ZNF221: variants seen among roughly 807,000 people sequenced by gnomAD.
ZNF221 encodes the protein zinc finger protein 221.
In ZNF221, 10 loss-of-function variants were observed where a neutral mutation model predicts 12.6. That is an observed-to-expected ratio of 0.79 (90% confidence interval 0.49 to 1.34). The LOEUF is 1.34. Ranked by LOEUF, ZNF221 falls within the 40% of genes most tolerant of loss-of-function variation. ZNF221 has a pLI of 0.00. For missense variants in ZNF221, 661 were observed against 721.4 expected, an observed-to-expected ratio of 0.92 and a Z score of 0.96; for synonymous variants, 232 against 244.0, an observed-to-expected ratio of 0.95 and a Z score of 0.46.
At chr19:43,952,331 A>G (rs1974686244) in intron 1 of ZNF221, among the ~76,000 whole-genome samples, 1 of 152,196 alleles carries the variant, frequency 6.6e-6, no homozygotes, top group African/African-American at 2.4e-5. Flanking sequence ...TTGGAGGTAG[A>G]CGGAGTGACT....
chr19:43,973,374 C>A, the ZNF221 span, among the ~76,000 whole-genome samples: 116 of 152,198 alleles, frequency 7.6e-4, no homozygotes, highest in Non-Finnish European at 9.0e-4. Flanking sequence ...TTCCCCACTC[C>A]TGTTCAACAC....
At chr19:43,956,730 C>T (rs1327654075) in intron 1 of ZNF221, among the ~76,000 whole-genome samples, 1 of 152,156 alleles carries the variant, frequency 6.6e-6, no homozygotes, top group Non-Finnish European at 1.5e-5. Flanking sequence ...GGGGGATCAG[C>T]AGAGGATCCA....
At chr19:43,958,989 GTT>G (rs3082682) in intron 1 of ZNF221, among the ~76,000 whole-genome samples, 107,962 of 149,930 alleles carry the variant, frequency 0.72, 39,083 homozygotes, top group African/African-American at 0.79. Context: ...GTTTTTGGTT[GTT>G]TTTTTTTTTT....
chr19:43,962,550 G>A (rs1430669476), intron 1 of ZNF221, among the ~76,000 whole-genome samples, 175 bp from the exon 2 acceptor site: 3 of 152,126 alleles, frequency 2.0e-5, no homozygotes, highest in Admixed American at 2.0e-4. Flanking sequence ...GATATGCCAT[G>A]ATTTGTCTAT....
chr19:43,973,125 T>A, the ZNF221 span, among the ~76,000 whole-genome samples: 2 of 151,910 alleles, frequency 1.3e-5, no homozygotes, highest in Non-Finnish European at 2.9e-5. Context: ...TGTGATCACA[T>A]AATGAGAACC....
chr19:43,979,428 T>C, the ZNF221 span, among the ~76,000 whole-genome samples: 4 of 143,412 alleles, frequency 2.8e-5, no homozygotes, highest in Admixed American at 6.7e-5. Context: ...AATACATATA[T>C]ATATATATAT....
At chr19:43,973,039 A>G in the ZNF221 span, among the ~76,000 whole-genome samples, 1 of 152,184 alleles carries the variant, frequency 6.6e-6, no homozygotes, top group Non-Finnish European at 1.5e-5. Flanking sequence ...CAGCACATCA[A>G]AAAGCTTATC....
the ZNF221 span, among the ~76,000 whole-genome samples, chr19:43,981,414 A>G: frequency 6.6e-6 from 1 of 152,186 alleles, no homozygotes; most frequent in Non-Finnish European, 1.5e-5. Flanking sequence ...TCACTTTTCA[A>G]TCCTGCTTTC....
chr19:43,962,202 C>A (rs1159651464), intron 1 of ZNF221, among the ~76,000 whole-genome samples: 1 of 151,968 alleles, frequency 6.6e-6, no homozygotes, highest in Non-Finnish European at 1.5e-5. Context: ...TAGAATTTAC[C>A]CATTTCAGTC....
In ZNF221 at chr19:43,965,823, G is replaced by A. The variant is rs779067903; in HGVS notation, c.321G>A (p.Glu107=). ...EGNSGGKIQI[E]METVPEAGPH... ...TTTTAGGAGGCAAGATCCAAATTGA[G>A]ATGGAGACTGTTCCAGAAGCAGGAC... Residue 107 remains glutamate (E), a synonymous_variant, in exon 5 of 5, where the codon GAG becomes GAA. Transcript: ENST00000587682. 5.6e-6 allele frequency: 9 copies of A among 1,599,348 alleles called. No individual in the cohort carries two copies. In the East Asian group the frequency reaches 2.0e-4, roughly 36 times the overall value.
chr19:43,975,118 C>T, the ZNF221 span, among the ~76,000 whole-genome samples: 5 of 152,194 alleles, frequency 3.3e-5, no homozygotes, highest in East Asian at 9.6e-4. Context: ...TTAGTTGAAC[C>T]ATTGTGGAAG....
chr19:43,978,311 C>T, the ZNF221 span: 1 of 152,156 alleles, frequency 6.6e-6, no homozygotes, highest in Non-Finnish European at 1.5e-5. Flanking sequence ...GTGTTGCAAA[C>T]AGCTCTTTTT....
chr19:43,972,548 T>A (rs530887759), downstream of ZNF221, among the ~76,000 whole-genome samples: 101 of 151,186 alleles, frequency 6.7e-4, no homozygotes, highest in Non-Finnish European at 1.3e-3. Flanking sequence ...TCCAACACAA[T>A]CAGAAATGAT....
At chr19:43,951,892 G>A (rs1974678120) in intron 1 of ZNF221, among the ~76,000 whole-genome samples, 1 of 74,268 alleles carries the variant, frequency 1.3e-5, no homozygotes, top group African/African-American at 6.7e-5. Context: ...TTTTTTTTTT[G>A]AGACGGAGTC....
chr19:43,956,625 A>T (rs1454230543), intron 1 of ZNF221, among the ~76,000 whole-genome samples: 2 of 152,140 alleles, frequency 1.3e-5, no homozygotes, highest in Admixed American at 1.3e-4. Flanking sequence ...AGCAATTCCA[A>T]GTGGGGTTTC....
At chr19:43,965,456 C>G in intron 4 of ZNF221, 131 bp downstream of exon 4, 1 of 721,042 alleles carries the variant, frequency 1.4e-6, no homozygotes. Flanking sequence ...TGCCTTCCTT[C>G]TTTAAAGTTC....
chr19:43,957,489 C>T (rs1363128633), intron 1 of ZNF221, among the ~76,000 whole-genome samples: 1 of 152,146 alleles, frequency 6.6e-6, no homozygotes, highest in East Asian at 1.9e-4. Context: ...AACCTTTATA[C>T]CTAACTTAAA....
the ZNF221 span, among the ~76,000 whole-genome samples, chr19:43,974,495 A>G: frequency 6.6e-6 from 1 of 152,246 alleles, no homozygotes; most frequent in South Asian, 2.1e-4. Flanking sequence ...CAATCTGTCC[A>G]TCTGACAAAG....
chr19:43,970,705 G>A (rs1467491665), downstream of ZNF221, among the ~76,000 whole-genome samples: 1 of 152,052 alleles, frequency 6.6e-6, no homozygotes, highest in African/African-American at 2.4e-5. Flanking sequence ...GACAGGCAGA[G>A]AAGAATAGAG....
Sources: gnomAD v4.1 joint callset for allele counts (sites outside exome capture counted in the v4.1 genomes callset) on GRCh38, gnomAD v4.1.1 for gene constraint, MANE v1.5 for transcripts, NCBI Gene and HGNC (gene_info 2026-07-23, HGNC 2026-07-21) for gene names.